Variants in R3HDML observed in about 807,000 individuals in gnomAD.
R3HDML encodes the protein R3H domain containing like, also known as peptidase inhibitor R3HDML.
Under a neutral mutation model 24.2 loss-of-function variants are expected in R3HDML, and 21 were observed. The observed-to-expected ratio is 0.87, with a 90% CI of 0.62 to 1.25. The LOEUF (loss-of-function observed/expected upper bound fraction) is 1.25. Ranked by LOEUF, R3HDML falls within the 50% of genes most tolerant of loss-of-function variation. The pLI is 0.00. For synonymous variants in R3HDML, 133 were observed against 131.5 expected, an observed-to-expected ratio of 1.01 and a Z score of -0.08; for missense variants, 301 against 340.3, an observed-to-expected ratio of 0.88 and a Z score of 0.91.
At chr20:44,339,739 T>G (rs1209269078) in intron 1 of R3HDML, among the ~76,000 whole-genome samples, 1 of 151,846 alleles carries the variant, frequency 6.6e-6, no homozygotes, top group Non-Finnish European at 1.5e-5. Context: ...GGGAGAAGTA[T>G]AGGAGAGAGA....
Position 44,350,518 on chromosome 20 carries a change from G to T in R3HDML, c.630-142G>T, listed in dbSNP as rs191326336. Reference sequence around the variant, plus strand: ...TAAATAAATAAATAAATAAAGGAAAGAAAAAAAAGAAACCAAGGCTTGCAG... The same window carrying T: ...TAAATAAATAAATAAATAAAGGAAATAAAAAAAAGAAACCAAGGCTTGCAG... On this transcript the variant is annotated intron_variant, in intron 4 of 4. Transcript: ENST00000217043. 4.8e-4 allele frequency: 311 copies of T among 643,968 alleles called. 1 individual carries two copies. In the African/African-American group the frequency reaches 6.1e-3, roughly 13 times the overall value. 39.9% of individuals were successfully genotyped at this position (643,968 alleles called of 1,614,324 possible).
intron 4 of R3HDML, among the ~76,000 whole-genome samples, chr20:44,348,393 C>T (rs1464799268): frequency 6.6e-6 from 1 of 151,920 alleles, no homozygotes; most frequent in Non-Finnish European, 1.5e-5. Flanking sequence ...TCTTGACAGG[C>T]TTCGGCCTTC....
Position 44,337,203 on chromosome 20 carries a change from T to G in R3HDML, c.46T>G (p.Trp16Gly), listed in dbSNP as rs975822830. 1 of 1,613,544 alleles carries G rather than the reference T, an allele frequency of 6.2e-7. No individual in the cohort carries two copies. Among genetic ancestry groups the G allele is most frequent in the Non-Finnish European group, 8.5e-7 (1 of 1,179,968 alleles). ...CGTGGGCCTGGCAGGCCTGCTCTTCTGGGCTGGCCAGGCAGTGAACGCCTT... is the reference window on the plus strand; with the variant it reads ...CGTGGGCCTGGCAGGCCTGCTCTTCGGGGCTGGCCAGGCAGTGAACGCCTT... Reference protein sequence around the residue: ...STVGLAGLLFWAGQAVNALIM... With the variant: ...STVGLAGLLFGAGQAVNALIM... Residue 16 changes from tryptophan (W) to glycine (G), a missense_variant, in exon 1 of 5, where the codon TGG becomes GGG. Transcript: ENST00000217043. The surrounding 1 kb of genome is among the most constrained non-coding windows in gnomAD (Gnocchi z 4.7).
chr20:44,348,372 ACAT>A (rs2062795184), intron 4 of R3HDML, among the ~76,000 whole-genome samples: 1 of 152,174 alleles, frequency 6.6e-6, no homozygotes, highest in Non-Finnish European at 1.5e-5. Flanking sequence ...GCATTTGAAT[ACAT>A]CATTTTATCT....
intron 3 of R3HDML, among the ~76,000 whole-genome samples, chr20:44,343,947 A>G (rs2062779060): frequency 6.6e-6 from 1 of 152,124 alleles, no homozygotes; most frequent in African/African-American, 2.4e-5. Context: ...AGAGCAGCCT[A>G]GGCAACAGAG....
chr20:44,341,214 G>GCCAGGGCTGCCGAAGCCTGGGCCAC lies in R3HDML; in HGVS notation c.285_309dup (p.Cys104GlyfsTer45). 6.2e-7 allele frequency: 1 copy of GCCAGGGCTGCCGAAGCCTGGGCCAC among 1,613,576 alleles called. No homozygotes were observed. Among genetic ancestry groups the GCCAGGGCTGCCGAAGCCTGGGCCAC allele is most frequent in the Non-Finnish European group, 8.5e-7 (1 of 1,179,656 alleles). On this transcript the variant is annotated frameshift_variant, in exon 2 of 5. Transcript: ENST00000217043. LOFTEE classifies it high-confidence loss of function. ...TCCCCAGGTCTGGGACAAGCGGCTG[G>GCCAGGGCTGCCGAAGCCTGGGCCAC]CCAGGGCTGCCGAAGCCTGGGCCAC... is the stretch of plus-strand genomic sequence containing the variant.
chr20:44,342,362 C>A (rs995503498), intron 2 of R3HDML, among the ~76,000 whole-genome samples: 22 of 152,092 alleles, frequency 1.4e-4, no homozygotes, highest in Admixed American at 1.2e-3. Flanking sequence ...TCACAACCAG[C>A]ACCAGCCTCT....
intron 3 of R3HDML, among the ~76,000 whole-genome samples, chr20:44,344,459 A>T (rs1035988667): frequency 2.6e-5 from 4 of 151,844 alleles, no homozygotes; most frequent in Non-Finnish European, 4.4e-5. Context: ...ATAATAATTT[A>T]AAAAGGAAAT....
intron 1 of R3HDML, among the ~76,000 whole-genome samples, chr20:44,339,591 GTGTGTGTGTGTGTGTC>G (rs2062766707): frequency 6.6e-6 from 1 of 151,282 alleles, no homozygotes. Flanking sequence ...GTGTGTGTGT[GTGTGTGTGTGTGTGTC>G]TGTGTGTGTG....
chr20:44,349,042 G>A (rs894963030), intron 4 of R3HDML, among the ~76,000 whole-genome samples: 1 of 151,854 alleles, frequency 6.6e-6, no homozygotes, highest in Non-Finnish European at 1.5e-5. Context: ...CAGGAGAATC[G>A]CTTGAACCCG....
rs1308284867 is a variant in R3HDML, at chr20:44,337,594, T to C, written c.261+176T>C. ...AAGGGCAGGAGTTAATCTGCCCATT[T>C]TACAGATGAGGAAACCAAGAAGGTT... On this transcript the variant is annotated intron_variant, in intron 1 of 4. Coordinates refer to ENST00000217043, the MANE Select transcript of R3HDML (RefSeq NM_178491.4). The surrounding 1 kb of genome is among the most constrained non-coding windows in gnomAD (Gnocchi z 4.7). 6.6e-6 allele frequency among the ~76,000 whole-genome samples: 1 copy of C among 152,188 alleles called. No individual in the cohort carries two copies. The highest frequency in any genetic ancestry group is 6.5e-5 in the Admixed American group (1 of 15,274).
At chr20:44,349,849 C>A (rs939490937) in intron 4 of R3HDML, among the ~76,000 whole-genome samples, 4 of 151,656 alleles carry the variant, frequency 2.6e-5, no homozygotes, top group Non-Finnish European at 4.4e-5. Context: ...GTGGGCAGAT[C>A]ACTTGAGGTC....
intron 4 of R3HDML, among the ~76,000 whole-genome samples, chr20:44,348,786 C>T (rs1201340925): frequency 6.6e-6 from 1 of 152,130 alleles, no homozygotes; most frequent in Non-Finnish European, 1.5e-5. Flanking sequence ...AGTGCTGGGA[C>T]TACAGGCACG....
chr20:44,349,656 A>G (rs912265416), intron 4 of R3HDML, among the ~76,000 whole-genome samples: 1 of 152,234 alleles, frequency 6.6e-6, no homozygotes, highest in African/African-American at 2.4e-5. Context: ...AGGTGTGTTC[A>G]TTTAAGGTGA....
In R3HDML at chr20:44,343,471, T is replaced by C. The variant is rs766636828; in HGVS notation, c.475T>C (p.Trp159Arg). The change falls in exon 3 of 5, where the codon TGG becomes CGG. Residue 159 changes from tryptophan to arginine, a missense_variant. Physicochemically the swap from Trp to Arg is moderately radical, Grantham distance 101 (BLOSUM62 -3). Coordinates refer to ENST00000217043, the MANE Select transcript of R3HDML (RefSeq NM_178491.4). ...APRDCNPHCP[W>R]RCDGPTCSHY... ...AAGGGACTGTAACCCACACTGCCCC[T>C]GGCGCTGCGATGGCCCCACCTGCTC... The C allele has an allele frequency of 1.9e-6, 3 of 1,612,692 alleles. No individual in the cohort carries two copies. The highest frequency in any genetic ancestry group is 2.5e-6 in the Non-Finnish European group (3 of 1,179,362).
rs1047110847 is a variant in R3HDML, at chr20:44,343,590, T to G, written c.513+81T>G. Reference sequence around the variant, plus strand: ...AGAAAAGGAATGTGTGGAGCAGAAATAAGAATGCAAACAAAGACCGTTATG... The same window carrying G: ...AGAAAAGGAATGTGTGGAGCAGAAAGAAGAATGCAAACAAAGACCGTTATG... On this transcript the variant is annotated intron_variant, in intron 3 of 4. Transcript: ENST00000217043. The G allele has an allele frequency of 5.0e-6, 7 of 1,400,166 alleles. No homozygotes were observed. The Admixed American group carries it at 1.1e-4, about 22-fold the overall frequency. 86.7% of individuals were successfully genotyped at this position (1,400,166 alleles called of 1,614,324 possible). A position where few individuals can be genotyped will look rare whatever the true frequency, so the allele number is the denominator to read the frequency against.
At chr20:44,339,579 A>ATGTGTGTGTGTGTGTGTGTGTG (rs140076477) in intron 1 of R3HDML, among the ~76,000 whole-genome samples, 1 of 147,914 alleles carries the variant, frequency 6.8e-6, no homozygotes, top group African/African-American at 2.5e-5. Context: ...GCCTATATAT[A>ATGTGTGTGTGTGTGTGTGTGTG]TGTGTGTGTG....
chr20:44,344,337 G>A (rs2062780405), intron 3 of R3HDML, among the ~76,000 whole-genome samples: 1 of 152,056 alleles, frequency 6.6e-6, no homozygotes, highest in Non-Finnish European at 1.5e-5. Flanking sequence ...AGCTACGTGG[G>A]AGGCTGAGGC....
intron 1 of R3HDML, among the ~76,000 whole-genome samples, chr20:44,338,539 C>T (rs749974268): frequency 8.5e-5 from 13 of 152,156 alleles, no homozygotes; most frequent in Non-Finnish European, 4.4e-5. Context: ...TCGTTAGCAC[C>T]TAGAATGCCC....
Sources: allele counts gnomAD v4.1 joint callset (sites outside exome capture counted in the v4.1 genomes callset), GRCh38; gene constraint gnomAD v4.1.1; non-coding constraint Gnocchi (gnomAD v3.1); transcripts MANE v1.5; gene names NCBI Gene and HGNC (gene_info 2026-07-23, HGNC 2026-07-21).